Variants in KRT1 observed in about 807,000 individuals in gnomAD.
KRT1 encodes keratin, type II cytoskeletal 1.
Under a neutral mutation model 51.6 loss-of-function variants are expected in KRT1, and 28 were observed. The ratio of observed to expected loss-of-function variants is 0.54; its 90% CI spans 0.40 to 0.74. The LOEUF is 0.74. Among genes scored for constraint, KRT1 ranks in the 30% least tolerant of loss-of-function variants. KRT1 has a pLI of 0.00. For synonymous variants in KRT1, 301 were observed against 307.7 expected (o/e 0.98, Z 0.23); for missense variants, 783 against 815.5 (o/e 0.96, Z 0.49).
chr12:52,677,870 G>T, intron 3 of KRT1, 125 bp from the exon 4 acceptor site: 1 of 839,074 alleles, frequency 1.2e-6, no homozygotes, highest in Non-Finnish European at 2.0e-6. Context: ...TTTGCCCCAG[G>T]TAAATCACAG....
Position 52,679,918 on chromosome 12 carries a change from C to G in KRT1, c.431G>C (p.Gly144Ala). The change falls in exon 1 of 9, where the codon GGT becomes GCT. Residue 144 changes from glycine to alanine, a missense_variant. Gly to Ala is a moderately conservative substitution (Grantham distance 60). Transcript: ENST00000252244. ...FGGGGYGGGY[G>A]PVCPPGGIQE... ...TATGCCACCAGGAGGGCAGACAGGA[C>G]CATAACCACCCCCATATCCACCACC... 6.2e-7 allele frequency: 1 copy of G among 1,613,830 alleles called. No homozygotes were observed. Among genetic ancestry groups the G allele is most frequent in the Non-Finnish European group, 8.5e-7 (1 of 1,179,888 alleles).
intron 3 of KRT1, 82 bp downstream of exon 3, chr12:52,678,081 T>C (rs949429862): frequency 3.7e-5 from 51 of 1,363,776 alleles, no homozygotes; most frequent in Non-Finnish European, 5.3e-5. Flanking sequence ...CTCCATATCA[T>C]GGCTGCTTTC....
rs145256530 is a variant in KRT1, at chr12:52,680,093, G to T, written c.256C>A (p.Arg86Ser). ...ISISVARGGGRGSGFGGGYGG... is the reference protein window; with the variant it reads ...ISISVARGGGSGSGFGGGYGG... Reference sequence around the variant, plus strand: ...TAACCACCACCAAAGCCACTACCACGTCCACCTCCTCTAGCCACACTTATG... The same window carrying T: ...TAACCACCACCAAAGCCACTACCACTTCCACCTCCTCTAGCCACACTTATG... The change falls in exon 1 of 9, where the codon CGT becomes AGT. Residue 86 changes from arginine to serine, a missense_variant. Transcript: ENST00000252244. 4.5e-4 allele frequency: 698 copies of T among 1,556,666 alleles called. 7 individuals are homozygous for T. The African/African-American group carries it at 8.0e-3, about 18-fold the overall frequency.
At position 52,678,355 on chromosome 12, in the gene KRT1, T is replaced by C. The variant is rs2121007137; in HGVS notation, c.807-132A>G. ...CTAGGACATATTGGCCACTACTTTCTACTGAGCAATAAAACCACTAGACTA... is the reference window on the plus strand; with the variant it reads ...CTAGGACATATTGGCCACTACTTTCCACTGAGCAATAAAACCACTAGACTA... On this transcript the variant is annotated intron_variant, in intron 2 of 8. Coordinates refer to ENST00000252244, the MANE Select transcript of KRT1 (RefSeq NM_006121.4). 8 of 1,050,232 alleles carry C rather than the reference T, an allele frequency of 7.6e-6. No individual in the cohort carries two copies. In the Admixed American group the frequency reaches 1.2e-4, roughly 15 times the overall value. The allele number at this position is 1,050,232 out of a possible 1,614,324, so 65.1% of individuals were successfully genotyped here.
chr12:52,679,858 G>A lies in KRT1; in HGVS notation c.491C>T (p.Pro164Leu). The A allele has an allele frequency of 1.2e-6, 2 of 1,614,090 alleles. No homozygotes were observed. The highest frequency in any genetic ancestry group is 1.7e-6 in the Non-Finnish European group (2 of 1,180,006). The change falls in exon 1 of 9, where the codon CCC (proline) becomes CTC (leucine). Residue 164 changes from proline to leucine, a missense_variant. Physicochemically the swap from Pro to Leu is moderately conservative, Grantham distance 98. Coordinates refer to ENST00000252244, the MANE Select transcript of KRT1 (RefSeq NM_006121.4). ...EVTINQSLLQ[P>L]LNVEIDPEIQ... The stretch of plus-strand genomic sequence containing the variant: ...CTCAGGGTCAATCTCCACATTGAGG[G>A]GCTGAAGAAGGCTCTGGTTGATAGT...
intron 5 of KRT1, 39 bp downstream of exon 5, chr12:52,677,277 C>A: frequency 1.2e-6 from 2 of 1,614,190 alleles, no homozygotes; most frequent in Non-Finnish European, 1.7e-6. Flanking sequence ...GCAAGACAAG[C>A]CATTTCAGGG....
intron 7 of KRT1, 90 bp downstream of exon 7, chr12:52,676,185 G>A (rs1459036187): frequency 1.9e-6 from 2 of 1,075,580 alleles, no homozygotes; most frequent in South Asian, 2.6e-5. Flanking sequence ...AGCACAAGCT[G>A]CAATCAGATG....
chr12:52,677,775 C>A (rs763445742), intron 3 of KRT1, 30 bp from the exon 4 acceptor site: 151 of 1,588,516 alleles, frequency 9.5e-5, no homozygotes, highest in Non-Finnish European at 1.1e-4. Flanking sequence ...CATGAAGGCA[C>A]ATTCTCTCCA....
chr12:52,677,246 T>A, intron 5 of KRT1, 62 bp from the exon 6 acceptor site: 1 of 1,614,108 alleles, frequency 6.2e-7, no homozygotes. Flanking sequence ...CAGGCACACA[T>A]ACATGAGATA....
intron 8 of KRT1, 34 bp from the exon 9 acceptor site, chr12:52,675,651 A>G (rs1386901878): frequency 6.2e-7 from 1 of 1,613,798 alleles, no homozygotes; most frequent in Non-Finnish European, 8.5e-7. Context: ...TTCAACCTCA[A>G]CTCCGTTTCC....
At position 52,678,267 on chromosome 12, in the gene KRT1, A is replaced by G. The variant is rs376101250; in HGVS notation, c.807-44T>C. On this transcript the variant is annotated intron_variant, in intron 2 of 8. Coordinates refer to ENST00000252244, the MANE Select transcript of KRT1 (RefSeq NM_006121.4). ...AATTAGGAGATTCAGAGGTGGTAAG[A>G]CCTGAAGTCCAGCATTCTAAACTAA... 191 of 1,593,398 alleles carry G rather than the reference A, an allele frequency of 1.2e-4. No homozygotes were observed. In the African/African-American group the frequency reaches 2.2e-3, roughly 18 times the overall value.
At chr12:52,676,045 C>T (rs2669584) in intron 7 of KRT1, among the ~76,000 whole-genome samples, 1 of 152,216 alleles carries the variant, frequency 6.6e-6, no homozygotes, top group African/African-American at 2.4e-5. Context: ...GAATAATTTG[C>T]TCCACCTCAA....
chr12:52,679,630 C>G (rs1055390051), intron 1 of KRT1, 128 bp downstream of exon 1: 1 of 848,704 alleles, frequency 1.2e-6, no homozygotes, highest in Non-Finnish European at 2.0e-6. Flanking sequence ...CCTAGGAGAC[C>G]ATTCCACAAA....
At chr12:52,677,600 G>A (rs1331002176) in intron 4 of KRT1, 50 bp downstream of exon 4, 1 of 1,602,382 alleles carries the variant, frequency 6.2e-7, no homozygotes, top group Non-Finnish European at 8.6e-7. Context: ...GTGGGTTCAG[G>A]CTTAAAAACT....
chr12:52,676,552 C>T (rs546400872), intron 6 of KRT1, 57 bp from the exon 7 acceptor site: 3 of 1,562,934 alleles, frequency 1.9e-6, no homozygotes, highest in Admixed American at 1.7e-5. Flanking sequence ...GCCTCCTCAT[C>T]CCAATTGGTC....
chr12:52,675,981 C>A (rs893053469), intron 7 of KRT1, among the ~76,000 whole-genome samples: 1 of 152,154 alleles, frequency 6.6e-6, no homozygotes, highest in African/African-American at 2.4e-5. Flanking sequence ...AATGAAGGCC[C>A]CCTCTAAAGA....
rs1241857383 is a variant in KRT1 at position 52,675,313 on chromosome 12, G to A, written c.1815C>T (p.Gly605=). Residue 605 remains glycine, a synonymous_variant, in exon 9 of 9, where the codon GGC becomes GGT. Coordinates refer to ENST00000252244, the MANE Select transcript of KRT1 (RefSeq NM_006121.4). ...CTATGGAGCCTCCAGAGCTCCCGCC[G>A]CCAGAGCCCCGGCCGCCAGAGCTGC... is the stretch of plus-strand genomic sequence containing the variant. ...GGGSSGGRGS[G]GGSSGGSIGG... is the part of the protein sequence containing the mutation. 2.2e-5 allele frequency: 36 copies of A among 1,612,388 alleles called. No individual in the cohort carries two copies. The Admixed American group carries it at 5.0e-4, about 22-fold the overall frequency.
intron 1 of KRT1, 67 bp downstream of exon 1, chr12:52,679,691 G>T: frequency 7.1e-7 from 1 of 1,401,998 alleles, no homozygotes; most frequent in Non-Finnish European, 1.0e-6. Context: ...AACCTACTGT[G>T]TTTTGACTGC....
In KRT1 at chr12:52,680,372, C is replaced by T; in HGVS notation, c.-24G>A. 1 of 1,603,246 alleles carries T rather than the reference C, an allele frequency of 6.2e-7. No individual in the cohort carries two copies. On this transcript the variant is annotated 5_prime_UTR_variant, in exon 1 of 9. Transcript: ENST00000252244. ...ATGTTGACTTAGAGAAAAGTAGGAG[C>T]AAGGTAGAGTAAGGGAAGGAGCTAA...
Sources: allele counts gnomAD v4.1 joint callset (sites outside exome capture counted in the v4.1 genomes callset), GRCh38; gene constraint gnomAD v4.1.1; transcripts MANE v1.5; gene names NCBI Gene and HGNC (gene_info 2026-07-23, HGNC 2026-07-21).